The following NAPB variants were observed in gnomAD, a reference collection of about 807,000 sequenced individuals.
NAPB encodes the protein beta-soluble NSF attachment protein.
NAPB carries 26 observed loss-of-function variants against 44.7 expected under a neutral mutation model. That is an observed-to-expected ratio of 0.58 (90% CI 0.43 to 0.81). The LOEUF (loss-of-function observed/expected upper bound fraction) is 0.81. NAPB is among the 30% of genes least tolerant of loss of function. NAPB has a pLI of 0.00. For missense variants in NAPB, 315 were observed against 356.4 expected, an observed-to-expected ratio of 0.88 and a Z score of 0.94; for synonymous variants, 120 against 116.8, an observed-to-expected ratio of 1.03 and a Z score of -0.18.
chr20:23,384,632 A>G (rs762960083), intron 7 of NAPB, among the ~76,000 whole-genome samples: 10 of 152,124 alleles, frequency 6.6e-5, no homozygotes, highest in Non-Finnish European at 1.2e-4. Context: ...AAAAAAAAAG[A>G]AAGAAAGAAA....
chr20:23,394,960 C>T lies in NAPB; in HGVS notation c.382G>A (p.Ala128Thr), dbSNP rs1984242719. 6.2e-7 allele frequency: 1 copy of T among 1,614,158 alleles called. No homozygotes were observed. The highest frequency in any genetic ancestry group is 8.5e-7 in the Non-Finnish European group (1 of 1,180,020). ...TIAAKHHITI[A>T]EIYETELVDI... Reference sequence around the variant, plus strand: ...ACAAGTTCAGTCTCATAGATCTCTGCAATAGTAATGTGGTGCTTGGCTGCA... The same window carrying T: ...ACAAGTTCAGTCTCATAGATCTCTGTAATAGTAATGTGGTGCTTGGCTGCA... Residue 128 changes from alanine (A) to threonine (T), a missense_variant, in exon 5 of 11, where the codon GCA (alanine) becomes ACA (threonine). By Grantham distance (58) the Ala-to-Thr change is moderately conservative. This residue lies in a region of NAPB where 179 missense variants were observed against 182.5 expected (regional missense o/e 0.98). Coordinates refer to ENST00000377026, the MANE Select transcript of NAPB (RefSeq NM_022080.3).
chr20:23,385,017 G>A (rs1293828882), intron 7 of NAPB, among the ~76,000 whole-genome samples: 2 of 152,138 alleles, frequency 1.3e-5, no homozygotes, highest in East Asian at 3.9e-4. Context: ...TACTCGGGAG[G>A]CTGAGGCAGG....
chr20:23,396,177 T>G (rs1228543845), intron 3 of NAPB, among the ~76,000 whole-genome samples: 2 of 152,242 alleles, frequency 1.3e-5, no homozygotes, highest in African/African-American at 4.8e-5. Context: ...GCTTCTTTAA[T>G]TGACATGTAA....
In NAPB at chr20:23,421,297, G is replaced by A. The variant is rs1465619973; in HGVS notation, c.98+8C>T. On this transcript the variant is annotated splice_region_variant and intron_variant, in intron 1 of 10. Coordinates refer to ENST00000377026, the MANE Select transcript of NAPB (RefSeq NM_022080.3). ...CCCCCCCCAGGGCACGCACGGTCTG[G>A]CGCTCACCCAAACAGCCCTCGGAGG... 1.3e-6 allele frequency: 2 copies of A among 1,551,658 alleles called. No individual in the cohort carries two copies. The highest frequency in any genetic ancestry group is 1.7e-6 in the Non-Finnish European group (2 of 1,146,998).
At chr20:23,392,581 G>A (rs575556905) in intron 5 of NAPB, among the ~76,000 whole-genome samples, 48 of 152,248 alleles carry the variant, frequency 3.2e-4, no homozygotes, top group Non-Finnish European at 2.5e-4. Context: ...TGGGAGGATC[G>A]CTTGAGCCCA....
At chr20:23,412,425 C>T (rs780715900) in intron 1 of NAPB, among the ~76,000 whole-genome samples, 15 of 152,090 alleles carry the variant, frequency 9.9e-5, no homozygotes, top group Non-Finnish European at 1.6e-4. Flanking sequence ...AGAATTTGGG[C>T]TCAAAGGCTT....
In NAPB at chr20:23,375,308, C is replaced by T. The variant is rs1005608805; in HGVS notation, c.*2068G>A. Reference sequence around the variant, plus strand: ...TGTTAAAAAAAAATACCCCTTCAGACGGGTCTGTTGGAGTATAATGATGAA... The same window carrying T: ...TGTTAAAAAAAAATACCCCTTCAGATGGGTCTGTTGGAGTATAATGATGAA... On this transcript the variant is annotated 3_prime_UTR_variant, in exon 11 of 11. Coordinates refer to ENST00000377026, the MANE Select transcript of NAPB (RefSeq NM_022080.3). The T allele has an allele frequency of 3.3e-5, 5 of 152,072 alleles. No homozygotes were observed. Among genetic ancestry groups the T allele is most frequent in the African/African-American group, 1.2e-4 (5 of 41,406 alleles). 9.4% of individuals were successfully genotyped at this position (152,072 alleles called of 1,614,324 possible). A position where few individuals can be genotyped will look rare whatever the true frequency, so the allele number is the denominator to read the frequency against.
intron 10 of NAPB, among the ~76,000 whole-genome samples, 188 bp from the exon 11 acceptor site, chr20:23,377,674 C>T (rs1231195308): frequency 6.6e-6 from 1 of 152,086 alleles, no homozygotes; most frequent in Non-Finnish European, 1.5e-5. Context: ...TATCCTGTTA[C>T]TATTTTGATA....
intron 5 of NAPB, among the ~76,000 whole-genome samples, chr20:23,393,230 T>G (rs1984100541): frequency 6.6e-6 from 1 of 152,002 alleles, no homozygotes; most frequent in Non-Finnish European, 1.5e-5. Context: ...AAGAGAAGGC[T>G]CACACACACG....
intron 1 of NAPB, among the ~76,000 whole-genome samples, chr20:23,404,851 C>CA (rs1419027416): frequency 1.3e-5 from 2 of 152,072 alleles, no homozygotes; most frequent in African/African-American, 4.8e-5. Flanking sequence ...TGTCAAAAGA[C>CA]AAAAAATAAC....
At chr20:23,413,855 A>G (rs1185117038) in intron 1 of NAPB, among the ~76,000 whole-genome samples, 4 of 151,952 alleles carry the variant, frequency 2.6e-5, no homozygotes, top group Non-Finnish European at 4.4e-5. Flanking sequence ...AAAAGCCCCA[A>G]TGGTTTCACT....
chr20:23,399,769 C>A (rs756156860), intron 2 of NAPB, among the ~76,000 whole-genome samples: 1 of 152,206 alleles, frequency 6.6e-6, no homozygotes, highest in South Asian at 2.1e-4. Flanking sequence ...AGGAACATAT[C>A]TGGCTAAGTG....
In NAPB at chr20:23,377,331, A is replaced by G; in HGVS notation, c.*45T>C. 7.5e-7 allele frequency: 1 copy of G among 1,338,938 alleles called. No homozygotes were observed. Among genetic ancestry groups the G allele is most frequent in the Non-Finnish European group, 1.0e-6 (1 of 957,582 alleles). 82.9% of individuals were successfully genotyped at this position (1,338,938 alleles called of 1,614,324 possible). On this transcript the variant is annotated 3_prime_UTR_variant, in exon 11 of 11. Transcript: ENST00000377026. The stretch of plus-strand genomic sequence containing the variant: ...CATAAAGATCACTTGACCCTAAGAC[A>G]AAACTAAAGAGGAGTTAGCTGCATG...
chr20:23,393,815 G>A (rs1460243925), intron 5 of NAPB, among the ~76,000 whole-genome samples: 1 of 152,174 alleles, frequency 6.6e-6, no homozygotes, highest in Non-Finnish European at 1.5e-5. Context: ...GAAGGGCACG[G>A]GGAAGTTAGC....
intron 2 of NAPB, among the ~76,000 whole-genome samples, chr20:23,399,582 T>C (rs1020627961): frequency 6.6e-6 from 1 of 152,218 alleles, no homozygotes; most frequent in Non-Finnish European, 1.5e-5. Flanking sequence ...ACCAAGGCAC[T>C]GAACAATCAG....
At chr20:23,389,196 GACA>G (rs747152513) in intron 7 of NAPB, among the ~76,000 whole-genome samples, 8 of 112,978 alleles carry the variant, frequency 7.1e-5, no homozygotes, top group Admixed American at 3.1e-4. Flanking sequence ...AACAGAATGA[GACA>G]ACATTTCACA....
intron 1 of NAPB, among the ~76,000 whole-genome samples, chr20:23,405,369 G>A (rs1305996604): frequency 6.6e-6 from 1 of 152,058 alleles, no homozygotes; most frequent in Non-Finnish European, 1.5e-5. Context: ...AAGAAAGAGA[G>A]AAAACGCATA....
rs1456958655 is a variant in NAPB, at chr20:23,375,626, G to C, written c.*1750C>G. ...TTCCAGGTCTTACCTCTAGAAGACA[G>C]CCAGCTCTCATTTAAGAATCTCAGA... On this transcript the variant is annotated 3_prime_UTR_variant, in exon 11 of 11. Coordinates refer to ENST00000377026, the MANE Select transcript of NAPB (RefSeq NM_022080.3). 3 of 152,204 alleles carry C rather than the reference G, an allele frequency of 2.0e-5. No individual in the cohort carries two copies. The highest frequency in any genetic ancestry group is 7.2e-5 in the African/African-American group (3 of 41,442). 9.4% of individuals were successfully genotyped at this position (152,204 alleles called of 1,614,324 possible).
intron 5 of NAPB, among the ~76,000 whole-genome samples, chr20:23,391,069 C>G (rs569307106): frequency 6.6e-6 from 1 of 152,154 alleles, no homozygotes; most frequent in Non-Finnish European, 1.5e-5. Context: ...AATCCCAGCA[C>G]TTTTGGAGGC....
Sources: gnomAD v4.1 joint callset for allele counts (sites outside exome capture counted in the v4.1 genomes callset) on GRCh38, gnomAD v4.1.1 for gene constraint, gnomAD v4.1.1 regional missense constraint, MANE v1.5 for transcripts, NCBI Gene and HGNC (gene_info 2026-07-23, HGNC 2026-07-21) for gene names.